GABRB1: variants seen among roughly 807,000 people sequenced by gnomAD.
The protein encoded by GABRB1 is gamma-aminobutyric acid receptor subunit beta-1.
Under a neutral mutation model 51.6 loss-of-function variants are expected in GABRB1, and 17 were observed. The observed-to-expected ratio is 0.33, with a 90% CI of 0.23 to 0.49. The LOEUF is 0.49. GABRB1 is among the 20% of genes least tolerant of loss of function. GABRB1 has a pLI of 0.99. For synonymous variants in GABRB1, 247 were observed against 218.9 expected (o/e 1.13, Z -1.14); for missense variants, 410 against 600.6 (o/e 0.68, Z 3.32).
intron 3 of GABRB1, among the ~76,000 whole-genome samples, chr4:47,083,956 A>G (rs1476496562): frequency 6.6e-6 from 1 of 152,104 alleles, no homozygotes; most frequent in East Asian, 1.9e-4. Context: ...ATCCCCTGGG[A>G]TAGTCTGTAA....
intron 4 of GABRB1, among the ~76,000 whole-genome samples, chr4:47,254,361 G>GTTTTTTTTTTTTTTTTTTTTTTT (rs56838956): frequency 1.2e-5 from 1 of 80,966 alleles, no homozygotes; most frequent in African/African-American, 5.2e-5. Context: ...TCTTTTCTTT[G>GTTTTTTTTTTTTTTTTTTTTTTT]TTTTTTTTTT....
At chr4:47,028,957 C>T (rs1026098807), upstream of GABRB1, among the ~76,000 whole-genome samples, 4 of 150,844 alleles carry the variant, frequency 2.7e-5, no homozygotes, top group African/African-American at 9.7e-5. Context: ...TATCATGGCT[C>T]ATTATATCAT....
intron 4 of GABRB1, among the ~76,000 whole-genome samples, chr4:47,196,538 AAGATT>A (rs1261291140): frequency 1.3e-5 from 2 of 152,160 alleles, no homozygotes; most frequent in Non-Finnish European, 2.9e-5. Flanking sequence ...AAGAGTGGAA[AAGATT>A]TTTCCCTCCC....
At chr4:47,077,260 T>G (rs985190376) in intron 3 of GABRB1, among the ~76,000 whole-genome samples, 1 of 152,082 alleles carries the variant, frequency 6.6e-6, no homozygotes, top group African/African-American at 2.4e-5. Flanking sequence ...AAAAGGTGAG[T>G]ATTTACACAC....
At chr4:47,027,435 C>T (rs1190020108), upstream of GABRB1, among the ~76,000 whole-genome samples, 1 of 151,310 alleles carries the variant, frequency 6.6e-6, no homozygotes, top group Non-Finnish European at 1.5e-5. Context: ...CCTCAAAGGT[C>T]CATGCTATAA....
intron 4 of GABRB1, among the ~76,000 whole-genome samples, chr4:47,206,695 G>A (rs1427014842): frequency 6.6e-6 from 1 of 151,646 alleles, no homozygotes; most frequent in Non-Finnish European, 1.5e-5. Flanking sequence ...CAGAACTTAG[G>A]AGAAGTCAAG....
chr4:47,062,643 C>G (rs1726891861), intron 3 of GABRB1, among the ~76,000 whole-genome samples: 1 of 151,966 alleles, frequency 6.6e-6, no homozygotes. Context: ...TTTTCTATAG[C>G]CTTCTAATTC....
At chr4:47,311,129 C>T (rs1481603785) in intron 4 of GABRB1, among the ~76,000 whole-genome samples, 2 of 150,040 alleles carry the variant, frequency 1.3e-5, no homozygotes, top group African/African-American at 4.9e-5. Flanking sequence ...CGCGGTGGCT[C>T]ACGCCTGTAA....
At chr4:47,186,427 A>G (rs757015367) in intron 4 of GABRB1, among the ~76,000 whole-genome samples, 1 of 151,842 alleles carries the variant, frequency 6.6e-6, no homozygotes, top group African/African-American at 2.4e-5. Context: ...GTAAACATTG[A>G]TTTATGGAAG....
rs111690289 is a variant in GABRB1, at chr4:47,378,414, C to T, written c.545-24904C>T. On this transcript the variant is annotated intron_variant, in intron 5 of 8. Transcript: ENST00000295454. ...TGGCCCGCAAGCACCGCGCGCAGCCCGGGTTCCCGCCCACACCTCTCCCTC... is the reference window on the plus strand; with the variant it reads ...TGGCCCGCAAGCACCGCGCGCAGCCTGGGTTCCCGCCCACACCTCTCCCTC... Among the ~76,000 whole-genome samples the T allele has an allele frequency of 8.6e-3, 1,308 of 152,280 alleles. 12 individuals are homozygous for T. The highest frequency in any genetic ancestry group is 0.03 in the African/African-American group (1,230 of 41,568).
At chr4:47,396,281 TACTC>T (rs963129429) in intron 5 of GABRB1, among the ~76,000 whole-genome samples, 109 of 152,104 alleles carry the variant, frequency 7.2e-4, no homozygotes, top group African/African-American at 6.3e-4. Context: ...TCGTGAGACT[TACTC>T]ACTATCAGGA....
chr4:47,274,847 C>T (rs1220611313), intron 4 of GABRB1, among the ~76,000 whole-genome samples: 1 of 152,168 alleles, frequency 6.6e-6, no homozygotes, highest in Admixed American at 6.6e-5. Context: ...ACTGTACTTG[C>T]TGTGTGGAGC....
intron 7 of GABRB1, among the ~76,000 whole-genome samples, chr4:47,405,078 A>G (rs1202333178): frequency 2.0e-5 from 3 of 152,224 alleles, no homozygotes; most frequent in East Asian, 1.9e-4. Flanking sequence ...CAGAAATGCA[A>G]TTGGTGAATT....
At chr4:47,179,154 C>T (rs756795948) in intron 4 of GABRB1, among the ~76,000 whole-genome samples, 1 of 152,018 alleles carries the variant, frequency 6.6e-6, no homozygotes, top group Non-Finnish European at 1.5e-5. Flanking sequence ...TGTGATGTTC[C>T]CCACCCTGTG....
chr4:47,208,672 A>C (rs1720233887), intron 4 of GABRB1, among the ~76,000 whole-genome samples: 1 of 152,090 alleles, frequency 6.6e-6, no homozygotes, highest in Non-Finnish European at 1.5e-5. Context: ...ATAGTTGTGA[A>C]AGGCTCTTCA....
intron 4 of GABRB1, among the ~76,000 whole-genome samples, chr4:47,224,656 G>C (rs1277139190): frequency 1.3e-5 from 2 of 152,042 alleles, no homozygotes; most frequent in East Asian, 3.9e-4. Context: ...TTGTTAAAGT[G>C]GAATCTGCCA....
intron 3 of GABRB1, among the ~76,000 whole-genome samples, chr4:47,133,071 G>A (rs993786542): frequency 6.6e-6 from 1 of 152,128 alleles, no homozygotes; most frequent in Non-Finnish European, 1.5e-5. Flanking sequence ...AGGATATACA[G>A]CATATTATGT....
At position 47,162,283 on chromosome 4, in the gene GABRB1, A is replaced by T. The variant is rs991205085; in HGVS notation, c.461+814A>T. ...ATCAATTGTAATTTTTCTGTTACCA[A>T]TGTAACTTCCGTCAGACATGCCCAA... On this transcript the variant is annotated intron_variant, in intron 4 of 8. Coordinates refer to ENST00000295454, the MANE Select transcript of GABRB1 (RefSeq NM_000812.4). 1.1e-4 allele frequency among the ~76,000 whole-genome samples: 16 copies of T among 152,058 alleles called. 1 individual carries two copies. The highest frequency in any genetic ancestry group is 7.2e-4 in the Admixed American group (11 of 15,232).
chr4:47,315,369 G>C (rs1460485531), intron 4 of GABRB1, among the ~76,000 whole-genome samples: 1 of 151,846 alleles, frequency 6.6e-6, no homozygotes, highest in Non-Finnish European at 1.5e-5. Context: ...TTATTAGAAA[G>C]TAAAAAAATA....
Sources: gnomAD v4.1 joint callset for allele counts (sites outside exome capture counted in the v4.1 genomes callset) on GRCh38, gnomAD v4.1.1 for gene constraint, MANE v1.5 for transcripts, NCBI Gene and HGNC (gene_info 2026-07-23, HGNC 2026-07-21) for gene names.